EMC10: variants seen among roughly 807,000 people sequenced by gnomAD.
EMC10 encodes UPF0510 protein INM02.
EMC10 carries 40 observed loss-of-function variants against 32.2 expected under a neutral mutation model. The ratio of observed to expected loss-of-function variants is 1.24; its 90% CI spans 0.96 to 1.61. The LOEUF (loss-of-function observed/expected upper bound fraction) is 1.61, where lower values mean the gene tolerates loss of function less well. Ranked by LOEUF, EMC10 falls within the 40% of genes most tolerant of loss-of-function variation. The pLI is 0.00. For synonymous variants in EMC10, 178 were observed against 158.4 expected (o/e 1.12, Z -0.93); for missense variants, 402 against 357.7 (o/e 1.12, Z -1.00).
At chr19:50,482,122 T>G (rs778405827) in intron 6 of EMC10, 27 bp from the exon 7 acceptor site, 1 of 1,434,774 alleles carries the variant, frequency 7.0e-7, no homozygotes, top group Non-Finnish European at 9.8e-7. Context: ...TCTGTGTCTG[T>G]CTGTCCATCC....
chr19:50,477,866 T>A (rs2040253245), intron 1 of EMC10, 63 bp from the exon 2 acceptor site: 11 of 1,345,936 alleles, frequency 8.2e-6, no homozygotes, highest in Non-Finnish European at 1.1e-5. Context: ...CTGGGTTCTG[T>A]GGGTGACTAC....
rs2040354393 is a variant in EMC10, at chr19:50,483,420, T to C, written c.*1161T>C. On this transcript the variant is annotated 3_prime_UTR_variant, in exon 7 of 7. Coordinates refer to ENST00000334976, the MANE Select transcript of EMC10 (RefSeq NM_206538.4). The stretch of plus-strand genomic sequence containing the variant: ...GTGCTGTCGTCCAGTCTCTCTTGGG[T>C]GTGGTTTGAATGATCTCGGGATGCA... 4.0e-5 allele frequency: 8 copies of C among 198,432 alleles called. No individual in the cohort carries two copies. In the South Asian group the frequency reaches 5.8e-4, roughly 14 times the overall value. The allele number at this position is 198,432 out of a possible 1,614,324, so 12.3% of individuals were successfully genotyped here. A position where few individuals can be genotyped will look rare whatever the true frequency, so the allele number is the denominator to read the frequency against.
Position 50,489,385 on chromosome 19 carries a change from G to A in EMC10, c.*7126G>A, listed in dbSNP as rs1218527709. On this transcript the variant is annotated 3_prime_UTR_variant, in exon 7 of 7. Transcript: ENST00000334976. ...AATATGGAGAGAAAGAAGGGAGAGA[G>A]GATTGGAAGTAGCGACAGAGGACCA... 2 of 152,266 alleles carry A rather than the reference G, an allele frequency of 1.3e-5. No individual in the cohort carries two copies. Among genetic ancestry groups the A allele is most frequent in the Non-Finnish European group, 2.9e-5 (2 of 68,128 alleles). 9.4% of individuals were successfully genotyped at this position (152,266 alleles called of 1,614,324 possible). A position where few individuals can be genotyped will look rare whatever the true frequency, so the allele number is the denominator to read the frequency against.
chr19:50,489,319 A>G lies in EMC10; in HGVS notation c.*7060A>G, dbSNP rs1325800978. ...TCCAGCGGGTGAGTGAGCGAGAAAA[A>G]AAGCAGAAAGGAAAGAAGAGGTGCA... On this transcript the variant is annotated 3_prime_UTR_variant, in exon 7 of 7. Transcript: ENST00000334976. The G allele has an allele frequency of 6.6e-6, 1 of 152,390 alleles. No homozygotes were observed. The highest frequency in any genetic ancestry group is 1.5e-5 in the Non-Finnish European group (1 of 68,242). 9.4% of individuals were successfully genotyped at this position (152,390 alleles called of 1,614,324 possible). A position where few individuals can be genotyped will look rare whatever the true frequency, so the allele number is the denominator to read the frequency against.
At chr19:50,481,814 C>T in intron 6 of EMC10, 2 of 1,493,262 alleles carry the variant, frequency 1.3e-6, no homozygotes. Flanking sequence ...GGCCCTCAGG[C>T]CCCACGGCAG....
At position 50,480,102 on chromosome 19, in the gene EMC10, C is replaced by A; in HGVS notation, c.298-9C>A. 6.2e-7 allele frequency: 1 copy of A among 1,603,184 alleles called. No individual in the cohort carries two copies. The highest frequency in any genetic ancestry group is 8.5e-7 in the Non-Finnish European group (1 of 1,175,232). On this transcript the variant is annotated splice_polypyrimidine_tract_variant and intron_variant, in intron 3 of 6. Transcript: ENST00000334976. The surrounding 1 kb of genome is among the most constrained non-coding windows in gnomAD (Gnocchi z 4.4). ...CCTTCTGACCAGCACCCTCTTCTCC[C>A]ATCCCCAGGATGTGGCAGCCCTGAA... is the stretch of plus-strand genomic sequence containing the variant.
rs958311756 is a variant in EMC10 at position 50,487,256 on chromosome 19, G to T, written c.*4997G>T. The stretch of plus-strand genomic sequence containing the variant: ...TTCATGTTGTCAGAGGAAGAGTTGG[G>T]AAGGGAGCGGAATGGAGCAGAAAGG... On this transcript the variant is annotated 3_prime_UTR_variant, in exon 7 of 7. Transcript: ENST00000334976. 3 of 152,238 alleles carry T rather than the reference G, an allele frequency of 2.0e-5. No individual in the cohort carries two copies. Among genetic ancestry groups the T allele is most frequent in the Admixed American group, 6.5e-5 (1 of 15,278 alleles). The allele number at this position is 152,238 out of a possible 1,614,324, so 9.4% of individuals were successfully genotyped here.
chr19:50,480,761 G>C lies in EMC10; in HGVS notation c.583G>C (p.Gly195Arg). 4 of 1,586,994 alleles carry C rather than the reference G, an allele frequency of 2.5e-6. No homozygotes were observed. The highest frequency in any genetic ancestry group is 3.4e-6 in the Non-Finnish European group (4 of 1,165,634). ...VQLQPPTTAP[G>R]PETAAFIERL... The stretch of plus-strand genomic sequence containing the variant: ...GCTGCAGCCGCCCACCACAGCCCCA[G>C]GGTGAGCCTCTGCTGCCTTCGCGGC... Residue 195 changes from glycine (G) to arginine (R), a missense_variant and splice_region_variant, in exon 5 of 7, where the codon GGC (glycine) becomes CGC (arginine). By Grantham distance (125) the Gly-to-Arg change is moderately radical (BLOSUM62 -2). Transcript: ENST00000334976. This position sits in a 1 kb window ranked among gnomAD's most constrained non-coding sequence, Gnocchi z 4.4.
chr19:50,477,230 C>T (rs576865898), intron 1 of EMC10: 1 of 152,484 alleles, frequency 6.6e-6, no homozygotes, highest in South Asian at 2.0e-4. Flanking sequence ...TGGTGAAACC[C>T]CGTCTCTACT....
In EMC10 at chr19:50,480,887, T is replaced by G. The variant is rs964920780; in HGVS notation, c.588T>G (p.Pro196=). The G allele has an allele frequency of 1.2e-6, 2 of 1,605,716 alleles. No individual in the cohort carries two copies. Among genetic ancestry groups the G allele is most frequent in the African/African-American group, 2.7e-5 (2 of 74,752 alleles). ...QLQPPTTAPG[P]ETAAFIERLE... ...TCCTCCTCTCCCCTTGCCCCAGCCCTGAGACGGCGGCCTTCATTGAGCGCC... is the reference window on the plus strand; with the variant it reads ...TCCTCCTCTCCCCTTGCCCCAGCCCGGAGACGGCGGCCTTCATTGAGCGCC... Residue 196 remains proline (P), a synonymous_variant, in exon 6 of 7, where the codon CCT becomes CCG. Transcript: ENST00000334976. This position sits in a 1 kb window ranked among gnomAD's most constrained non-coding sequence, Gnocchi z 4.4.
intron 2 of EMC10, among the ~76,000 whole-genome samples, chr19:50,478,345 T>C (rs1243869513): frequency 6.6e-6 from 1 of 152,196 alleles, no homozygotes; most frequent in South Asian, 2.1e-4. Context: ...GGTATTCGTG[T>C]CAGCCCCTTT....
In EMC10 at chr19:50,483,540, G is replaced by A. The variant is rs936003026; in HGVS notation, c.*1281G>A. 2.5e-5 allele frequency: 4 copies of A among 158,666 alleles called. No individual in the cohort carries two copies. Among genetic ancestry groups the A allele is most frequent in the South Asian group, 1.7e-4 (1 of 5,868 alleles). The allele number at this position is 158,666 out of a possible 1,614,324, so 9.8% of individuals were successfully genotyped here. The stretch of plus-strand genomic sequence containing the variant: ...TGTCAAGACCAGGAGGTGGTGCACC[G>A]TGGGAGGTTGCCTTCCCTCCCATCA... On this transcript the variant is annotated 3_prime_UTR_variant, in exon 7 of 7. Transcript: ENST00000334976.
chr19:50,480,508 G>C lies in EMC10; in HGVS notation c.403-73G>C, dbSNP rs2040300388. On this transcript the variant is annotated intron_variant, in intron 4 of 6. Transcript: ENST00000334976. This position sits in a 1 kb window ranked among gnomAD's most constrained non-coding sequence, Gnocchi z 4.4. ...AAAAATGCTCCGGGGGTCCTGTGGT[G>C]GGGGCCGGGGGAGGTTAGGGTGGAG... The C allele has an allele frequency of 2.7e-6, 4 of 1,497,056 alleles. No individual in the cohort carries two copies. Among genetic ancestry groups the C allele is most frequent in the South Asian group, 1.3e-5 (1 of 79,844 alleles). The allele number at this position is 1,497,056 out of a possible 1,614,324, so 92.7% of individuals were successfully genotyped here.
In EMC10 at chr19:50,480,043, G is replaced by C. The variant is rs1031914772; in HGVS notation, c.298-68G>C. 5.3e-6 allele frequency: 7 copies of C among 1,324,284 alleles called. No individual in the cohort carries two copies. Among genetic ancestry groups the C allele is most frequent in the Non-Finnish European group, 7.3e-6 (7 of 954,982 alleles). 82.0% of individuals were successfully genotyped at this position (1,324,284 alleles called of 1,614,324 possible). On this transcript the variant is annotated intron_variant, in intron 3 of 6. Transcript: ENST00000334976. This position sits in a 1 kb window ranked among gnomAD's most constrained non-coding sequence, Gnocchi z 4.4. Reference sequence around the variant, plus strand: ...GGAGAGGGGCCTTCGCGGAGGCCTGGTGGGCATCACAGCCTGTCCAGGGCT... The same window carrying C: ...GGAGAGGGGCCTTCGCGGAGGCCTGCTGGGCATCACAGCCTGTCCAGGGCT...
Position 50,481,874 on chromosome 19 carries a change from T to TG in EMC10, c.679-267dup, listed in dbSNP as rs200206091. On this transcript the variant is annotated intron_variant, in intron 6 of 6. Transcript: ENST00000334976. The stretch of plus-strand genomic sequence containing the variant: ...CTCCCTCCCCAGTGGCACATCATCC[T>TG]GGGGGGGGCCGTGTTGCTCACAGCC... 0.019 allele frequency: 29,972 copies of TG among 1,581,712 alleles called. 337 individuals carry two copies. The highest frequency in any genetic ancestry group is 0.021 in the Non-Finnish European group (24,754 of 1,167,482).
At chr19:50,481,918 G>A in intron 6 of EMC10, 5 of 1,604,638 alleles carry the variant, frequency 3.1e-6, no homozygotes, top group Non-Finnish European at 4.2e-6. Flanking sequence ...TGCTGCGCCA[G>A]GGCCCGCGCC....
At chr19:50,481,132 G>A in intron 6 of EMC10, 155 bp downstream of exon 6, 3 of 624,504 alleles carry the variant, frequency 4.8e-6, no homozygotes, top group Non-Finnish European at 5.7e-6. Flanking sequence ...GCTGAGGCTT[G>A]TTTGCAGGAA....
Position 50,482,964 on chromosome 19 carries a change from C to T in EMC10, c.*705C>T, listed in dbSNP as rs933656867. On this transcript the variant is annotated 3_prime_UTR_variant, in exon 7 of 7. Transcript: ENST00000334976. ...GAAGGAAAAGGTTTAAGAAAGAAAA[C>T]AAAACCAACAGTTAGTGGAGTCAAA... is the stretch of plus-strand genomic sequence containing the variant. 1 of 579,582 alleles carries T rather than the reference C, an allele frequency of 1.7e-6. No homozygotes were observed. Among genetic ancestry groups the T allele is most frequent in the African/African-American group, 1.9e-5 (1 of 53,058 alleles). 35.9% of individuals were successfully genotyped at this position (579,582 alleles called of 1,614,324 possible).
At chr19:50,479,136 C>T (rs940616517) in intron 3 of EMC10, 70 bp downstream of exon 3, 8 of 1,246,050 alleles carry the variant, frequency 6.4e-6, no homozygotes, top group African/African-American at 1.5e-5. Flanking sequence ...TCAGCCACCC[C>T]CTGCTGGTCC....
Sources: gnomAD v4.1 joint callset for allele counts (sites outside exome capture counted in the v4.1 genomes callset) on GRCh38, gnomAD v4.1.1 for gene constraint, Gnocchi (gnomAD v3.1) non-coding constraint, MANE v1.5 for transcripts, NCBI Gene and HGNC (gene_info 2026-07-23, HGNC 2026-07-21) for gene names.